The following TNS2 variants were observed in gnomAD, a reference collection of about 807,000 sequenced individuals.
The protein encoded by TNS2 is tensin-2.
In TNS2, 77 loss-of-function variants were observed where a neutral mutation model predicts 155.7. The ratio of observed to expected loss-of-function variants is 0.49; its 90% CI spans 0.41 to 0.60. The LOEUF is 0.60. TNS2 is among the 20% of genes least tolerant of loss of function. TNS2 has a pLI of 0.00. For synonymous variants in TNS2, 726 were observed against 763.9 expected, an observed-to-expected ratio of 0.95 and a Z score of 0.82; for missense variants, 1,703 against 1,868.8, an observed-to-expected ratio of 0.91 and a Z score of 1.64.
intron 2 of TNS2, 176 bp from the exon 3 acceptor site, chr12:53,052,279 C>A (rs1251008661): frequency 8.9e-6 from 7 of 783,156 alleles, no homozygotes; most frequent in Non-Finnish European, 1.5e-5. Context: ...TAGTACCCCA[C>A]TGCCACACTC....
chr12:53,047,280 C>CGGCGCG (rs983514622), upstream of TNS2, among the ~76,000 whole-genome samples: 11 of 142,836 alleles, frequency 7.7e-5, no homozygotes, highest in Non-Finnish European at 1.7e-4. Flanking sequence ...CGCGTCCGCT[C>CGGCGCG]GGCGCGGGCA....
upstream of TNS2, among the ~76,000 whole-genome samples, chr12:53,048,323 G>A (rs1357797420): frequency 6.6e-6 from 1 of 152,206 alleles, no homozygotes; most frequent in African/African-American, 2.4e-5. Context: ...GGATGTCTGG[G>A]GACCTGTTCC....
chr12:53,055,920 C>A, intron 10 of TNS2, 75 bp downstream of exon 10: 2 of 1,478,650 alleles, frequency 1.4e-6, no homozygotes, highest in Non-Finnish European at 9.2e-7. Flanking sequence ...AACCCATCTC[C>A]CCTGGAGCCC....
At position 53,050,218 on chromosome 12, in the gene TNS2, C is replaced by T; in HGVS notation, c.33C>T (p.Leu11=). The T allele has an allele frequency of 6.2e-7, 1 of 1,610,964 alleles. No individual in the cohort carries two copies. Among genetic ancestry groups the T allele is most frequent in the Non-Finnish European group, 8.5e-7 (1 of 1,179,338 alleles). The part of the protein sequence containing the change: MKSSGPVERL[L]RALGRRDSSR... Reference sequence around the variant, plus strand: ...CCAGCGGCCCTGTGGAGAGGCTGCTCAGAGCCCTGGGGAGGAGGGACAGCA... The same window carrying T: ...CCAGCGGCCCTGTGGAGAGGCTGCTTAGAGCCCTGGGGAGGAGGGACAGCA... Residue 11 remains leucine, a synonymous_variant, in exon 1 of 29, where the codon CTC becomes CTT. Transcript: ENST00000314250. This position sits in a 1 kb window ranked among gnomAD's most constrained non-coding sequence, Gnocchi z 4.7.
rs112105969 is a variant in TNS2 at position 53,063,089 on chromosome 12, C to T, written c.3824C>T (p.Ala1275Val). ...CCTGACCCACTCCCTGCCCCTGTAG[C>T]CTGCAGCGTGCTCTACTTGACCTCA... ...TAADLLRQGA[A>V]CSVLYLTSVE... is the part of the protein sequence containing the mutation. The change falls in exon 26 of 29, where the codon GCC becomes GTC. Residue 1275 changes from alanine to valine, a missense_variant and splice_region_variant. Coordinates refer to ENST00000314250, the MANE Select transcript of TNS2 (RefSeq NM_170754.4). This position sits in a 1 kb window ranked among gnomAD's most constrained non-coding sequence, Gnocchi z 5.6. 1.3e-6 allele frequency: 2 copies of T among 1,536,374 alleles called. No homozygotes were observed. Among genetic ancestry groups the T allele is most frequent in the Non-Finnish European group, 1.7e-6 (2 of 1,144,162 alleles).
At chr12:53,047,743 T>C (rs1050863460), upstream of TNS2, among the ~76,000 whole-genome samples, 2 of 152,164 alleles carry the variant, frequency 1.3e-5, no homozygotes, top group East Asian at 1.9e-4. Flanking sequence ...TTTCCTTTCC[T>C]GCTTCACATG....
chr12:53,058,296 G>T lies in TNS2; in HGVS notation c.1096-20G>T. 6.2e-7 allele frequency: 1 copy of T among 1,613,478 alleles called. No individual in the cohort carries two copies. Among genetic ancestry groups the T allele is most frequent in the African/African-American group, 1.3e-5 (1 of 75,054 alleles). ...AAGAGGACATGAGGCCTGATCCGCA[G>T]CCTCCTGCCTTTCTCCCAGGTAACA... On this transcript the variant is annotated intron_variant, in intron 14 of 28. Transcript: ENST00000314250.
upstream of TNS2, among the ~76,000 whole-genome samples, chr12:53,049,739 A>G (rs567736327): frequency 6.6e-6 from 1 of 152,188 alleles, no homozygotes; most frequent in East Asian, 1.9e-4. Flanking sequence ...TGGCTGGGAC[A>G]CACTGTTCCC....
Position 53,061,196 on chromosome 12 carries a change from C to G in TNS2, c.3290C>G (p.Pro1097Arg), listed in dbSNP as rs747807298. The change falls in exon 20 of 29, where the codon CCA becomes CGA. Residue 1097 changes from proline to arginine, a missense_variant. Pro to Arg is a moderately radical substitution (Grantham distance 103). Transcript: ENST00000314250. ...TGGGGCCCAGAGCAGGCATCATCGC[C>G]AGCCAGAGGCATCAGTCACCATGTC... Reference protein sequence around the residue: ...GPWGPEQASSPARGISHHVTF... With the variant: ...GPWGPEQASSRARGISHHVTF... The G allele has an allele frequency of 6.3e-7, 1 of 1,582,130 alleles. No individual in the cohort carries two copies. Among genetic ancestry groups the G allele is most frequent in the South Asian group, 1.2e-5 (1 of 85,852 alleles).
rs765868533 is a variant in TNS2 at position 53,060,894 on chromosome 12, A to G, written c.2988A>G (p.Ser996=). Residue 996 remains serine, a synonymous_variant, in exon 20 of 29, where the codon TCA becomes TCG. Coordinates refer to ENST00000314250, the MANE Select transcript of TNS2 (RefSeq NM_170754.4). The surrounding 1 kb of genome is among the most constrained non-coding windows in gnomAD (Gnocchi z 6.1). ...WPQERSPGGH[S]DGASPRSPVP... ...AGGAAAGGAGTCCAGGGGGCCACTCAGATGGCGCCAGTCCTCGGAGCCCTG... is the reference window on the plus strand; with the variant it reads ...AGGAAAGGAGTCCAGGGGGCCACTCGGATGGCGCCAGTCCTCGGAGCCCTG... 6.3e-7 allele frequency: 1 copy of G among 1,587,806 alleles called. No individual in the cohort carries two copies. Among genetic ancestry groups the G allele is most frequent in the Non-Finnish European group, 8.6e-7 (1 of 1,165,426 alleles).
chr12:53,058,749 GACT>G lies in TNS2; in HGVS notation c.1330_1332del (p.Tyr444del). 1 of 1,613,934 alleles carries G rather than the reference GACT, an allele frequency of 6.2e-7. No individual in the cohort carries two copies. The highest frequency in any genetic ancestry group is 2.2e-5 in the East Asian group (1 of 44,870). The stretch of plus-strand genomic sequence containing the variant: ...ACGGAACGACCCCTCGGTCTCTGTC[GACT>G]ACAACACCACTGAGCCAGCCGTGCG... On this transcript the variant is annotated inframe_deletion, in exon 17 of 29. Transcript: ENST00000314250.
chr12:53,058,928 A>G (rs1944266618), intron 17 of TNS2, 101 bp downstream of exon 17: 2 of 1,559,046 alleles, frequency 1.3e-6, no homozygotes. Flanking sequence ...GGCAGAGCCC[A>G]CTCCCGAGAG....
intron 7 of TNS2, 144 bp downstream of exon 7, chr12:53,054,585 C>A (rs1260310254): frequency 8.8e-7 from 1 of 1,135,158 alleles, no homozygotes. Context: ...GCCCGGAGCG[C>A]GGCCTGGAGC....
upstream of TNS2, chr12:53,049,007 G>T: frequency 1.7e-6 from 1 of 593,400 alleles, no homozygotes; most frequent in Non-Finnish European, 2.9e-6. Context: ...CACAGCTTGG[G>T]GCTGAAGACT....
At chr12:53,055,992 T>C (rs1944140677) in intron 10 of TNS2, 147 bp downstream of exon 10, 2 of 754,632 alleles carry the variant, frequency 2.7e-6, no homozygotes, top group Non-Finnish European at 4.3e-6. Flanking sequence ...TTATCACTAG[T>C]ACTGCAACAT....
intron 10 of TNS2, chr12:53,056,072 T>C (rs1241426314): frequency 2.0e-6 from 1 of 497,452 alleles, no homozygotes; most frequent in African/African-American, 2.0e-5. Flanking sequence ...ACAGTGGAAA[T>C]GGGCCGGGTG....
intron 15 of TNS2, 38 bp downstream of exon 15, chr12:53,058,483 G>A (rs1461039590): frequency 2.1e-6 from 1 of 486,514 alleles, no homozygotes; most frequent in South Asian, 7.5e-5. Context: ...TGGAGTCCAG[G>A]TGGCAGGCAG....
chr12:53,061,837 G>A lies in TNS2; in HGVS notation c.3471G>A (p.Lys1157=), dbSNP rs1417313733. Residue 1157 remains lysine, a synonymous_variant, in exon 22 of 29, where the codon AAG becomes AAA. Transcript: ENST00000314250. ...RDQAIALLKD[K]DPGAFLIRDS... Reference sequence around the variant, plus strand: ...CAGCCATTGCCCTGCTGAAGGACAAGGACCCTGGGGCCTTCCTGATCAGGG... The same window carrying A: ...CAGCCATTGCCCTGCTGAAGGACAAAGACCCTGGGGCCTTCCTGATCAGGG... 1.9e-6 allele frequency: 3 copies of A among 1,613,514 alleles called. No individual in the cohort carries two copies. In the Admixed American group the frequency reaches 5.0e-5, roughly 27 times the overall value.
chr12:53,054,223 T>C, intron 6 of TNS2, 47 bp from the exon 7 acceptor site: 1 of 1,608,564 alleles, frequency 6.2e-7, no homozygotes, highest in Non-Finnish European at 8.5e-7. Flanking sequence ...ACTAGCCACC[T>C]CCGGGTGCCC....
Sources: gnomAD v4.1 joint callset for allele counts (sites outside exome capture counted in the v4.1 genomes callset) on GRCh38, gnomAD v4.1.1 for gene constraint, Gnocchi (gnomAD v3.1) non-coding constraint, MANE v1.5 for transcripts, NCBI Gene and HGNC (gene_info 2026-07-23, HGNC 2026-07-21) for gene names.